Variants in SLC39A11 observed in about 807,000 individuals in gnomAD.
The protein encoded by SLC39A11 is zinc transporter ZIP11.
In SLC39A11, 33 loss-of-function variants were observed where a neutral mutation model predicts 36.1. The observed-to-expected ratio is 0.91, with a 90% CI of 0.69 to 1.22. The LOEUF (loss-of-function observed/expected upper bound fraction) is 1.22. Ranked by LOEUF, SLC39A11 falls within the 50% of genes most tolerant of loss-of-function variation. The probability of loss-of-function intolerance (pLI) is 0.00; values close to 1 mark genes in which losing one functional copy is unlikely to be tolerated. For missense variants in SLC39A11, 432 were observed against 430.3 expected (o/e 1.00, Z -0.03); for synonymous variants, 166 against 170.3 (o/e 0.97, Z 0.20).
intron 4 of SLC39A11, among the ~76,000 whole-genome samples, chr17:72,998,893 G>A (rs941789671): frequency 6.6e-6 from 1 of 152,234 alleles, no homozygotes; most frequent in African/African-American, 2.4e-5. Flanking sequence ...AGCCACAGAG[G>A]TGGGGTCAGA....
chr17:72,968,427 G>T (rs946209708), intron 4 of SLC39A11, among the ~76,000 whole-genome samples: 10 of 152,106 alleles, frequency 6.6e-5, no homozygotes, highest in African/African-American at 2.4e-4. Context: ...AACCCATTGG[G>T]AATCTGAAGG....
rs2059682790 is a variant in SLC39A11, at chr17:73,056,757, A to C, written c.148-25043T>G. 2.0e-5 allele frequency among the ~76,000 whole-genome samples: 3 copies of C among 152,086 alleles called. No individual in the cohort carries two copies. In the South Asian group the frequency reaches 6.2e-4, roughly 32 times the overall value. On this transcript the variant is annotated intron_variant, in intron 3 of 9. Transcript: ENST00000255559. Reference sequence around the variant, plus strand: ...GGGGTCTCCATGAATCTATCCTCCTATCTACTCCTCTAACTGGAACTCCTG... The same window carrying C: ...GGGGTCTCCATGAATCTATCCTCCTCTCTACTCCTCTAACTGGAACTCCTG...
At chr17:72,697,176 G>A (rs2072343853) in intron 7 of SLC39A11, among the ~76,000 whole-genome samples, 1 of 152,194 alleles carries the variant, frequency 6.6e-6, no homozygotes, top group African/African-American at 2.4e-5. Context: ...TGGAACTCGA[G>A]AGATCAGGTG....
At chr17:72,937,655 C>T (rs866900353) in intron 5 of SLC39A11, among the ~76,000 whole-genome samples, 6 of 152,104 alleles carry the variant, frequency 3.9e-5, no homozygotes, top group African/African-American at 7.2e-5. Flanking sequence ...CCATACAAAA[C>T]GACCTCATAT....
intron 6 of SLC39A11, among the ~76,000 whole-genome samples, chr17:72,754,811 C>T (rs142247546): frequency 9.5e-4 from 144 of 152,294 alleles, no homozygotes; most frequent in African/African-American, 3.4e-3. Context: ...GACACGTACA[C>T]GAATGCAGTG....
intron 5 of SLC39A11, among the ~76,000 whole-genome samples, chr17:72,912,834 T>G (rs562338878): frequency 1.3e-5 from 2 of 152,288 alleles, no homozygotes; most frequent in South Asian, 4.1e-4. Context: ...CTCATCTCCT[T>G]GCCCAGACCC....
intron 5 of SLC39A11, among the ~76,000 whole-genome samples, chr17:72,880,493 G>C (rs1379955069): frequency 6.6e-6 from 1 of 152,060 alleles, no homozygotes. Flanking sequence ...GATAACTTGA[G>C]CTCTGGGAGG....
At chr17:72,809,227 CTT>C (rs1491105929) in intron 6 of SLC39A11, among the ~76,000 whole-genome samples, 3 of 141,586 alleles carry the variant, frequency 2.1e-5, no homozygotes, top group South Asian at 4.6e-4. Flanking sequence ...CTCTCTCTCT[CTT>C]TCTTTCTGCC....
chr17:72,726,439 A>T (rs1255704126), intron 7 of SLC39A11, among the ~76,000 whole-genome samples: 1 of 152,144 alleles, frequency 6.6e-6, no homozygotes, highest in Admixed American at 6.6e-5. Flanking sequence ...TGAGCCCAGG[A>T]GGTCAAGGCT....
Position 72,879,430 on chromosome 17 carries a change from G to C in SLC39A11, c.431-29626C>G, listed in dbSNP as rs532472904. Among the ~76,000 whole-genome samples the C allele has an allele frequency of 3.3e-5, 5 of 152,352 alleles. No homozygotes were observed. In the East Asian group the frequency reaches 9.6e-4, roughly 29 times the overall value. ...AGAGATTCCATGGGTTTTAGGAACT[G>C]TATGCTAGAATGCCGGAGGAAAACC... On this transcript the variant is annotated intron_variant, in intron 5 of 9. Transcript: ENST00000255559.
Position 73,005,876 on chromosome 17 carries a change from G to A in SLC39A11, c.306+25680C>T, listed in dbSNP as rs186749206. Among the ~76,000 whole-genome samples, 5 of 151,438 alleles carry A rather than the reference G, an allele frequency of 3.3e-5. No homozygotes were observed. The East Asian group carries it at 9.8e-4, about 30-fold the overall frequency. ...TAAGGCAAGGGAATCGCTTGAACCT[G>A]GGAGGTGGAGGTTGCAGTGAGCCGA... On this transcript the variant is annotated intron_variant, in intron 4 of 9. Coordinates refer to ENST00000255559, the MANE Select transcript of SLC39A11 (RefSeq NM_139177.4).
chr17:72,987,409 A>G (rs73349366), intron 4 of SLC39A11, among the ~76,000 whole-genome samples: 6,534 of 152,284 alleles, frequency 0.043, 494 homozygotes, highest in African/African-American at 0.15. Flanking sequence ...GTACTTGTGT[A>G]AAGTGTATCC....
intron 6 of SLC39A11, among the ~76,000 whole-genome samples, chr17:72,784,422 AG>A (rs1198263527): frequency 6.6e-6 from 1 of 152,246 alleles, no homozygotes; most frequent in East Asian, 1.9e-4. Context: ...CTAAGAAGAC[AG>A]GGGGTTTGAC....
At chr17:72,717,813 C>T (rs2073471165) in intron 7 of SLC39A11, among the ~76,000 whole-genome samples, 1 of 152,330 alleles carries the variant, frequency 6.6e-6, no homozygotes, top group Non-Finnish European at 1.5e-5. Context: ...CACTCTTGCT[C>T]TGTAGCTCTC....
At chr17:73,026,024 G>A (rs923296300) in intron 4 of SLC39A11, among the ~76,000 whole-genome samples, 7 of 151,732 alleles carry the variant, frequency 4.6e-5, no homozygotes, top group African/African-American at 1.7e-4. Context: ...AGGCTGAGGC[G>A]GGAGAACAAC....
intron 6 of SLC39A11, among the ~76,000 whole-genome samples, chr17:72,750,490 A>G (rs2144309985): frequency 7.5e-6 from 1 of 132,720 alleles, no homozygotes. Context: ...GAGGGCCTAA[A>G]AAAACTGGAG....
At chr17:72,724,505 G>C (rs1272513457) in intron 7 of SLC39A11, among the ~76,000 whole-genome samples, 2 of 152,088 alleles carry the variant, frequency 1.3e-5, no homozygotes, top group Non-Finnish European at 2.9e-5. Flanking sequence ...CAGACCTTTT[G>C]AGACATCCTG....
At chr17:72,776,610 GAA>G (rs34044701) in intron 6 of SLC39A11, among the ~76,000 whole-genome samples, 12 of 119,842 alleles carry the variant, frequency 1.0e-4, no homozygotes, top group African/African-American at 3.5e-4. Context: ...ACTTTGCATG[GAA>G]AAAAAAAAAA....
At chr17:72,684,498 G>A (rs7208934) in intron 7 of SLC39A11, among the ~76,000 whole-genome samples, 50,419 of 152,148 alleles carry the variant, frequency 0.33, 9,075 homozygotes, top group Non-Finnish European at 0.41. Context: ...ACCGACCACA[G>A]TGACCAAGGA....
Sources: gnomAD v4.1 joint callset for allele counts (sites outside exome capture counted in the v4.1 genomes callset) on GRCh38, gnomAD v4.1.1 for gene constraint, MANE v1.5 for transcripts, NCBI Gene and HGNC (gene_info 2026-07-23, HGNC 2026-07-21) for gene names.